FAN1: variants seen among roughly 807,000 people sequenced by gnomAD.
The protein encoded by FAN1 is fanconi-associated nuclease 1.
Under a neutral mutation model 104.9 loss-of-function variants are expected in FAN1, and 91 were observed. The observed-to-expected ratio is 0.87, with a 90% CI of 0.73 to 1.03. The LOEUF (loss-of-function observed/expected upper bound fraction) is 1.03. Among genes scored for constraint, FAN1 ranks in the 50% least tolerant of loss-of-function variants. The pLI, the probability that FAN1 is intolerant of heterozygous loss-of-function variation, is 0.00. For missense variants in FAN1, 1,263 were observed against 1,239.9 expected (o/e 1.02, Z -0.28); for synonymous variants, 478 against 457.6 (o/e 1.04, Z -0.57).
intron 3 of FAN1, among the ~76,000 whole-genome samples, chr15:30,909,560 C>T (rs955754291): frequency 2.0e-5 from 3 of 152,200 alleles, no homozygotes; most frequent in Non-Finnish European, 4.4e-5. Context: ...CCTTGACTTA[C>T]CTTCAAATGA....
chr15:30,910,605 C>A lies in FAN1; in HGVS notation c.1376-9C>A. The A allele has an allele frequency of 2.0e-6, 3 of 1,473,212 alleles. No individual in the cohort carries two copies. Among genetic ancestry groups the A allele is most frequent in the Admixed American group, 4.6e-5 (2 of 43,834 alleles). 91.3% of individuals were successfully genotyped at this position (1,473,212 alleles called of 1,614,324 possible). ...AATTTAAAAAAACTTTTTTTTTTAA[C>A]CATTTCAGAATCTGAGTTGCAAGAA... On this transcript the variant is annotated splice_polypyrimidine_tract_variant and intron_variant, in intron 3 of 14. Coordinates refer to ENST00000362065, the MANE Select transcript of FAN1 (RefSeq NM_014967.5).
intron 12 of FAN1, among the ~76,000 whole-genome samples, 179 bp downstream of exon 12, chr15:30,929,576 T>TATA (rs2062564926): frequency 7.8e-6 from 1 of 128,472 alleles, no homozygotes; most frequent in African/African-American, 2.9e-5. Context: ...TTTATTATAT[T>TATA]TATTATATTA....
chr15:30,929,905 AAT>A lies in FAN1; in HGVS notation c.2787+514_2787+515del, dbSNP rs1312712501. Among the ~76,000 whole-genome samples the A allele has an allele frequency of 2.7e-5, 2 of 75,084 alleles. 1 individual carries two copies. The allele number at this position is 75,084 out of a possible 152,430, so 49.3% of individuals were successfully genotyped here. A position where few individuals can be genotyped will look rare whatever the true frequency, so the allele number is the denominator to read the frequency against. Reference sequence around the variant, plus strand: ...AATATATATCATATATAATATATAAAATATATAATATATATCATATATAATAT... The same window carrying A: ...AATATATATCATATATAATATATAAAATATAATATATATCATATATAATAT... On this transcript the variant is annotated intron_variant, in intron 12 of 14. Coordinates refer to ENST00000362065, the MANE Select transcript of FAN1 (RefSeq NM_014967.5).
chr15:30,926,041 TGCTCA>T lies in FAN1; in HGVS notation c.2488+103_2488+107del, dbSNP rs1988650478. On this transcript the variant is annotated intron_variant, in intron 10 of 14. Transcript: ENST00000362065. ...GGGCTGCTGTCCTCTCTCTGTCCTC[TGCTCA>T]CAGTGGAAGATGCTGTGGGCTGGGG... 2.5e-6 allele frequency: 3 copies of T among 1,180,566 alleles called. No homozygotes were observed. In the East Asian group the frequency reaches 7.1e-5, roughly 28 times the overall value. The allele number at this position is 1,180,566 out of a possible 1,614,324, so 73.1% of individuals were successfully genotyped here.
At chr15:30,930,454 T>A in intron 12 of FAN1, 89 bp from the exon 13 acceptor site, 1 of 1,463,638 alleles carries the variant, frequency 6.8e-7, no homozygotes, top group Non-Finnish European at 9.1e-7. Context: ...ACATATACAC[T>A]GAGCTTTTCT....
At position 30,918,322 on chromosome 15, in the gene FAN1, A is replaced by G. The variant is rs1421883026; in HGVS notation, c.1943+27A>G. On this transcript the variant is annotated intron_variant, in intron 6 of 14. Transcript: ENST00000362065. The stretch of plus-strand genomic sequence containing the variant: ...TGAGAGTTTTTCTAGGTACCTGCCA[A>G]AATTTATACATTGACCAAGTTGTTC... 9 of 1,612,002 alleles carry G rather than the reference A, an allele frequency of 5.6e-6. No individual in the cohort carries two copies. The South Asian group carries it at 9.9e-5, about 18-fold the overall frequency.
At chr15:30,940,187 G>A (rs1181953933) in intron 14 of FAN1, 1 of 985,034 alleles carries the variant, frequency 1.0e-6, no homozygotes, top group African/African-American at 1.8e-5. Context: ...AGGAGTGTGG[G>A]GGAGGTGGTG....
chr15:30,923,835 A>G (rs980615508), intron 8 of FAN1, among the ~76,000 whole-genome samples: 1 of 152,084 alleles, frequency 6.6e-6, no homozygotes, highest in Admixed American at 6.5e-5. Flanking sequence ...TTATGTTTCT[A>G]TTGTGGTAAA....
At chr15:30,912,474 G>A (rs1387795757) in intron 4 of FAN1, among the ~76,000 whole-genome samples, 1 of 152,198 alleles carries the variant, frequency 6.6e-6, no homozygotes, top group Admixed American at 6.5e-5. Context: ...GGGCATCCCC[G>A]GGACTCTGCG....
Position 30,925,425 on chromosome 15 carries a change from G to A in FAN1, c.2337+134G>A, listed in dbSNP as rs373389614. The A allele has an allele frequency of 6.9e-6, 6 of 871,724 alleles. No homozygotes were observed. In the East Asian group the frequency reaches 7.9e-5, roughly 12 times the overall value. 54.0% of individuals were successfully genotyped at this position (871,724 alleles called of 1,614,324 possible). A position where few individuals can be genotyped will look rare whatever the true frequency, so the allele number is the denominator to read the frequency against. ...GAATAATCTAAAACTCGTTTTGGAC[G>A]GCTGTGTGGCCATTGCTCCCAGTCT... is the stretch of plus-strand genomic sequence containing the variant. On this transcript the variant is annotated intron_variant, in intron 9 of 14. Coordinates refer to ENST00000362065, the MANE Select transcript of FAN1 (RefSeq NM_014967.5).
rs748042109 is a variant in FAN1 at position 30,904,758 on chromosome 15, C to T, written c.95C>T (p.Ser32Leu). 1.9e-5 allele frequency: 30 copies of T among 1,612,836 alleles called. No homozygotes were observed. Among genetic ancestry groups the T allele is most frequent in the East Asian group, 4.5e-5 (2 of 44,860 alleles). The change falls in exon 2 of 15, where the codon TCG (serine) becomes TTG (leucine). Residue 32 changes from serine to leucine, a missense_variant. Physicochemically the swap from Ser to Leu is moderately radical, Grantham distance 145 (BLOSUM62 -2). Around this residue, in one of 2 missense-constraint regions of FAN1, gnomAD observed 682 missense variants for 571.1 expected, o/e 1.19. Coordinates refer to ENST00000362065, the MANE Select transcript of FAN1 (RefSeq NM_014967.5). ...AAAAAAGCATCTAATTCTATTATTT[C>T]GTGTTTTAACAATGCACCACCTGCT... ...NKKKASNSIISCFNNAPPAKL... is the reference protein window; with the variant it reads ...NKKKASNSIILCFNNAPPAKL...
At chr15:30,924,918 C>T (rs1242077666) in intron 8 of FAN1, among the ~76,000 whole-genome samples, 8 of 152,220 alleles carry the variant, frequency 5.3e-5, no homozygotes, top group African/African-American at 1.2e-4. Context: ...CGCTCCAGCA[C>T]GTTGACTGTG....
chr15:30,940,734 T>C, intron 14 of FAN1: 1 of 989,832 alleles, frequency 1.0e-6, no homozygotes, highest in Non-Finnish European at 1.2e-6. Context: ...AAAAGCCTAT[T>C]TCAAATATGC....
Position 30,941,945 on chromosome 15 carries a change from G to A in FAN1, c.*383G>A, listed in dbSNP as rs1279192372. On this transcript the variant is annotated 3_prime_UTR_variant, in exon 15 of 15. Transcript: ENST00000362065. Reference sequence around the variant, plus strand: ...CTCCGTATCACTGTTCTGGCTGTCGGTTTGCTGAGCTGGATCTGGCTTTGG... The same window carrying A: ...CTCCGTATCACTGTTCTGGCTGTCGATTTGCTGAGCTGGATCTGGCTTTGG... 1.2e-6 allele frequency: 2 copies of A among 1,614,068 alleles called. No homozygotes were observed. The highest frequency in any genetic ancestry group is 1.7e-5 in the Admixed American group (1 of 60,028).
chr15:30,918,212 CAATGGGAA>C lies in FAN1; in HGVS notation c.1861_1868del (p.Asn621LeufsTer5). 6.2e-7 allele frequency: 1 copy of C among 1,613,872 alleles called. No homozygotes were observed. Among genetic ancestry groups the C allele is most frequent in the South Asian group, 1.1e-5 (1 of 91,068 alleles). Reference sequence around the variant, plus strand: ...TGAGTGACATTTCTTCCGCAATGGCCAATGGGAACTGGGAAGAAGCTAAGGAGCTCGCT... The same window carrying C: ...TGAGTGACATTTCTTCCGCAATGGCCCTGGGAAGAAGCTAAGGAGCTCGCT... On this transcript the variant is annotated frameshift_variant, in exon 6 of 15. Coordinates refer to ENST00000362065, the MANE Select transcript of FAN1 (RefSeq NM_014967.5). LOFTEE classifies it high-confidence loss of function.
chr15:30,905,888 C>CGTA lies in FAN1; in HGVS notation c.1225_1226insGTA (p.Gln409delinsArgLys). ...GAAGGGAATTGTAACTAAATTTTAT[C>CGTA]AGTTATCAGGTATCTTACGCACGTG... On this transcript the variant is annotated protein_altering_variant, in exon 2 of 15. Coordinates refer to ENST00000362065, the MANE Select transcript of FAN1 (RefSeq NM_014967.5). The CGTA allele has an allele frequency of 6.2e-7, 1 of 1,612,180 alleles. No homozygotes were observed. The highest frequency in any genetic ancestry group is 8.5e-7 in the Non-Finnish European group (1 of 1,178,684).
intron 13 of FAN1, 34 bp from the exon 14 acceptor site, chr15:30,937,085 T>C (rs1384377324): frequency 6.3e-7 from 1 of 1,588,532 alleles, no homozygotes; most frequent in Non-Finnish European, 8.6e-7. Context: ...TTCAGTAAGA[T>C]ACTAATAACA....
intron 2 of FAN1, chr15:30,906,530 T>A (rs748698140): frequency 4.4e-6 from 2 of 456,682 alleles, no homozygotes; most frequent in South Asian, 3.1e-5. Flanking sequence ...CACCCTTGTG[T>A]CTTTACGGTG....
At position 30,903,922 on chromosome 15, in the gene FAN1, G is replaced by C. The variant is rs1595817839; in HGVS notation, c.-242G>C. On this transcript the variant is annotated 5_prime_UTR_variant, in exon 1 of 15. Transcript: ENST00000362065. ...GCGAGGTGGCCGCGCGGGGATCTTGGGTGACAGGGCACCGAGGGAAGGAGG... is the reference window on the plus strand; with the variant it reads ...GCGAGGTGGCCGCGCGGGGATCTTGCGTGACAGGGCACCGAGGGAAGGAGG... 1.3e-5 allele frequency: 2 copies of C among 152,732 alleles called. No homozygotes were observed. The highest frequency in any genetic ancestry group is 3.9e-4 in the East Asian group (2 of 5,178). 9.5% of individuals were successfully genotyped at this position (152,732 alleles called of 1,614,324 possible). A position where few individuals can be genotyped will look rare whatever the true frequency, so the allele number is the denominator to read the frequency against.
Sources: gnomAD v4.1 joint callset for allele counts (sites outside exome capture counted in the v4.1 genomes callset) on GRCh38, gnomAD v4.1.1 for gene constraint, gnomAD v4.1.1 regional missense constraint, MANE v1.5 for transcripts, NCBI Gene and HGNC (gene_info 2026-07-23, HGNC 2026-07-21) for gene names.